MAPKAP1: variants seen among roughly 807,000 people sequenced by gnomAD.
MAPKAP1 encodes MAPK associated protein 1, also known as target of rapamycin complex 2 subunit MAPKAP1.
Under a neutral mutation model 65.7 loss-of-function variants are expected in MAPKAP1, and 20 were observed. The observed-to-expected ratio is 0.30, with a 90% CI of 0.21 to 0.44. The LOEUF (loss-of-function observed/expected upper bound fraction) is 0.44, where lower values mean the gene tolerates loss of function less well. Ranked by LOEUF, MAPKAP1 falls within the 20% of genes least tolerant of loss-of-function variation. The probability of loss-of-function intolerance (pLI) is 1.00; values close to 1 mark genes in which losing one functional copy is unlikely to be tolerated. For synonymous variants in MAPKAP1, 222 were observed against 244.3 expected (o/e 0.91, Z 0.85); for missense variants, 423 against 648.0 (o/e 0.65, Z 3.77).
chr9:125,679,201 T>C (rs570372863), intron 1 of MAPKAP1, among the ~76,000 whole-genome samples: 55 of 152,126 alleles, frequency 3.6e-4, no homozygotes, highest in African/African-American at 1.3e-3. Flanking sequence ...AGGGTTTCAC[T>C]ATGTTGGCCA....
chr9:125,626,362 CCT>C (rs1270878618), intron 4 of MAPKAP1, among the ~76,000 whole-genome samples: 5 of 152,200 alleles, frequency 3.3e-5, no homozygotes, highest in African/African-American at 1.2e-4. Context: ...GCTCTAGCTC[CCT>C]CTGACCCCAT....
At position 125,518,725 on chromosome 9, in the gene MAPKAP1, A is replaced by ATAATTTATAAGAT. The variant is rs1180778626; in HGVS notation, c.959-12309_959-12308insATCTTATAAATTA. The stretch of plus-strand genomic sequence containing the variant: ...GGGAAGAATTCTATGATACATTATT[A>ATAATTTATAAGAT]AATTTATAAGATATAGAATGTACAG... On this transcript the variant is annotated intron_variant, in intron 7 of 11. Coordinates refer to ENST00000265960, the MANE Select transcript of MAPKAP1 (RefSeq NM_001006617.3). 9.9e-5 allele frequency among the ~76,000 whole-genome samples: 15 copies of ATAATTTATAAGAT among 152,222 alleles called. 1 individual carries two copies. Among genetic ancestry groups the ATAATTTATAAGAT allele is most frequent in the Admixed American group, 3.9e-4 (6 of 15,292 alleles).
At chr9:125,548,044 C>T (rs866723501) in intron 6 of MAPKAP1, among the ~76,000 whole-genome samples, 2 of 152,162 alleles carry the variant, frequency 1.3e-5, no homozygotes, top group Non-Finnish European at 2.9e-5. Context: ...TTTCTATGGG[C>T]TAGGTGCTGT....
chr9:125,612,674 C>G (rs1346694701), intron 4 of MAPKAP1, among the ~76,000 whole-genome samples: 1 of 150,694 alleles, frequency 6.6e-6, no homozygotes, highest in Non-Finnish European at 1.5e-5. Flanking sequence ...GAGGCTCTAT[C>G]AATTAAGAGA....
intron 7 of MAPKAP1, among the ~76,000 whole-genome samples, chr9:125,531,674 G>A (rs1829937575): frequency 1.3e-5 from 2 of 152,054 alleles, no homozygotes; most frequent in South Asian, 2.1e-4. Flanking sequence ...ATTTTATTAT[G>A]AGTATTTTTA....
intron 4 of MAPKAP1, among the ~76,000 whole-genome samples, chr9:125,587,964 C>T (rs767988719): frequency 3.3e-5 from 5 of 152,166 alleles, no homozygotes; most frequent in Non-Finnish European, 4.4e-5. Flanking sequence ...TCAGACACTG[C>T]CAGTGGGAAT....
chr9:125,652,149 T>C, intron 4 of MAPKAP1: 2 of 1,317,466 alleles, frequency 1.5e-6, no homozygotes, highest in East Asian at 4.7e-5. Flanking sequence ...CTCGGTGGCT[T>C]CATGCTTTTC....
At chr9:125,516,356 CA>C (rs1384608699) in intron 7 of MAPKAP1, among the ~76,000 whole-genome samples, 1 of 152,122 alleles carries the variant, frequency 6.6e-6, no homozygotes, top group East Asian at 1.9e-4. Context: ...AAATTAAAGA[CA>C]AAGACTGGAA....
In MAPKAP1 at chr9:125,444,611, A is replaced by C; in HGVS notation, c.1346-13T>G. 6.3e-7 allele frequency: 1 copy of C among 1,599,564 alleles called. No individual in the cohort carries two copies. The highest frequency in any genetic ancestry group is 8.6e-7 in the Non-Finnish European group (1 of 1,167,946). ...AATATTGCGTGACCTGCAGAGACAG[A>C]AAACTGTGTTGAGGGGTTCTGGTGA... On this transcript the variant is annotated splice_polypyrimidine_tract_variant and intron_variant, in intron 10 of 11. Transcript: ENST00000265960.
chr9:125,590,455 G>A lies in MAPKAP1; in HGVS notation c.499-4728C>T, dbSNP rs546736625. ...ACCTTGGGTCAGGAGTTCGAGACCA[G>A]CCTGGCCAACATGGTGAAACCCCAT... On this transcript the variant is annotated intron_variant, in intron 4 of 11. Transcript: ENST00000265960. Among the ~76,000 whole-genome samples, 8 of 152,190 alleles carry A rather than the reference G, an allele frequency of 5.3e-5. No individual in the cohort carries two copies. The East Asian group carries it at 1.6e-3, about 30-fold the overall frequency.
At chr9:125,635,007 A>G (rs1364340012) in intron 4 of MAPKAP1, among the ~76,000 whole-genome samples, 1 of 152,180 alleles carries the variant, frequency 6.6e-6, no homozygotes, top group Admixed American at 6.5e-5. Context: ...AGGAAATGTC[A>G]TCTCCTCTCC....
At chr9:125,572,517 T>C (rs1831265592) in intron 5 of MAPKAP1, among the ~76,000 whole-genome samples, 1 of 152,256 alleles carries the variant, frequency 6.6e-6, no homozygotes, top group Non-Finnish European at 1.5e-5. Context: ...TCAAGAACTA[T>C]GGTACACTTT....
At chr9:125,680,397 C>CATTAAA (rs1018398869) in intron 1 of MAPKAP1, among the ~76,000 whole-genome samples, 5 of 152,030 alleles carry the variant, frequency 3.3e-5, no homozygotes, top group Non-Finnish European at 7.4e-5. Flanking sequence ...TTGAAGTGAC[C>CATTAAA]ATTAAAATAA....
intron 4 of MAPKAP1, chr9:125,596,548 T>C (rs1832131821): frequency 8.5e-6 from 6 of 705,186 alleles, no homozygotes; most frequent in Non-Finnish European, 1.6e-5. Flanking sequence ...TGGAAGCCAG[T>C]ACTTTCCCAA....
intron 7 of MAPKAP1, among the ~76,000 whole-genome samples, chr9:125,520,526 G>GT (rs1277099271): frequency 1.3e-5 from 2 of 152,072 alleles, no homozygotes; most frequent in African/African-American, 4.8e-5. Flanking sequence ...TCTTTACTCT[G>GT]TTTTTTCCCA....
intron 4 of MAPKAP1, among the ~76,000 whole-genome samples, chr9:125,587,571 A>AAAAC (rs367582231): frequency 0.027 from 4,155 of 152,224 alleles, 198 homozygotes; most frequent in African/African-American, 0.094. Flanking sequence ...GCTCAAAACA[A>AAAAC]AAACAAACAA....
At chr9:125,642,729 G>A (rs1000184473) in intron 4 of MAPKAP1, among the ~76,000 whole-genome samples, 7 of 152,210 alleles carry the variant, frequency 4.6e-5, no homozygotes, top group East Asian at 3.9e-4. Flanking sequence ...TTTAATGTGT[G>A]CTTTTCCCTT....
At chr9:125,562,813 G>A (rs184126064) in intron 5 of MAPKAP1, among the ~76,000 whole-genome samples, 1 of 152,260 alleles carries the variant, frequency 6.6e-6, no homozygotes, top group Admixed American at 6.5e-5. Context: ...GCCTCAATAG[G>A]ATTAGGTAGC....
intron 1 of MAPKAP1, among the ~76,000 whole-genome samples, chr9:125,702,073 T>C (rs948355473): frequency 6.6e-6 from 1 of 152,208 alleles, no homozygotes; most frequent in Non-Finnish European, 1.5e-5. Flanking sequence ...TTGATCAACA[T>C]AATTTTTAAT....
Sources: allele counts gnomAD v4.1 joint callset (sites outside exome capture counted in the v4.1 genomes callset), GRCh38; gene constraint gnomAD v4.1.1; transcripts MANE v1.5; gene names NCBI Gene and HGNC (gene_info 2026-07-23, HGNC 2026-07-21).